Variants in TP63 observed in about 807,000 individuals in gnomAD.
TP63 encodes tumor protein 63.
In TP63, 17 loss-of-function variants were observed where a neutral mutation model predicts 82.8. The observed-to-expected ratio is 0.21, with a 90% confidence interval of 0.14 to 0.31. The LOEUF (loss-of-function observed/expected upper bound fraction) is 0.31, where lower values mean the gene tolerates loss of function less well. Ranked by LOEUF, TP63 falls within the 10% of genes least tolerant of loss-of-function variation. The pLI is 1.00. For missense variants in TP63, 648 were observed against 895.3 expected (o/e 0.72, Z 3.52); for synonymous variants, 330 against 321.7 (o/e 1.03, Z -0.28).
At chr3:189,740,243 A>G (rs1720886866) in intron 3 of TP63, among the ~76,000 whole-genome samples, 1 of 152,214 alleles carries the variant, frequency 6.6e-6, no homozygotes, top group South Asian at 2.1e-4. Flanking sequence ...GGACTATATC[A>G]TAATTCAACA....
intron 3 of TP63, among the ~76,000 whole-genome samples, chr3:189,775,020 A>T (rs1344210642): frequency 1.3e-5 from 2 of 152,104 alleles, no homozygotes; most frequent in East Asian, 1.9e-4. Flanking sequence ...GTTTGAGACC[A>T]GCAGCCTGGC....
chr3:189,713,520 G>C (rs959329358), intron 1 of TP63, among the ~76,000 whole-genome samples: 9 of 152,132 alleles, frequency 5.9e-5, no homozygotes, highest in Non-Finnish European at 1.0e-4. Context: ...CCAATGAACT[G>C]ATCCAGTTTT....
intron 1 of TP63, among the ~76,000 whole-genome samples, chr3:189,729,179 G>A (rs1387819734): frequency 1.3e-5 from 2 of 152,146 alleles, no homozygotes; most frequent in East Asian, 3.9e-4. Context: ...ATTGTATTCA[G>A]AGAAATCATT....
rs749340539 is a variant in TP63 at position 189,808,310 on chromosome 3, C to T, written c.363C>T (p.Asp121=). Residue 121 remains aspartate (D), a synonymous_variant, in exon 4 of 14, where the codon GAC becomes GAT. Transcript: ENST00000264731. ...ACCTGGGGCTCCTGAACAGCATGGA[C>T]CAGCAGATTCAGAACGGCTCCTCGT... The part of the protein sequence containing the change: ...YTNLGLLNSM[D]QQIQNGSSST... 6.2e-7 allele frequency: 1 copy of T among 1,614,070 alleles called. No individual in the cohort carries two copies. Among genetic ancestry groups the T allele is most frequent in the African/African-American group, 1.3e-5 (1 of 74,918 alleles).
In TP63 at chr3:189,896,604, T is replaced by G. The variant is rs1721493270; in HGVS notation, c.*2102T>G. 4.7e-6 allele frequency: 1 copy of G among 210,876 alleles called. No individual in the cohort carries two copies. Among genetic ancestry groups the G allele is most frequent in the African/African-American group, 2.3e-5 (1 of 44,122 alleles). 13.1% of individuals were successfully genotyped at this position (210,876 alleles called of 1,614,324 possible). On this transcript the variant is annotated 3_prime_UTR_variant, in exon 14 of 14. Transcript: ENST00000264731. ...AAGAATGAAAGCTGTTCCTTGGTCC[T>G]AGTAAGAAGACAAACTGCTTCCCTT...
intron 3 of TP63, among the ~76,000 whole-genome samples, chr3:189,802,751 C>T (rs1246485291): frequency 6.6e-6 from 1 of 152,134 alleles, no homozygotes; most frequent in Non-Finnish European, 1.5e-5. Flanking sequence ...TAGCCTCATC[C>T]ACCAGTCACT....
chr3:189,891,213 G>T (rs2108865720), intron 13 of TP63, among the ~76,000 whole-genome samples: 1 of 152,302 alleles, frequency 6.6e-6, no homozygotes, highest in Admixed American at 6.5e-5. Context: ...TTTTGAGTGT[G>T]CTCATTAATC....
intron 4 of TP63, among the ~76,000 whole-genome samples, chr3:189,858,613 A>G (rs1199411307): frequency 1.3e-5 from 2 of 152,068 alleles, no homozygotes; most frequent in African/African-American, 4.8e-5. Context: ...CATCTCTACA[A>G]AAAACATACA....
chr3:189,658,206 A>G (rs1713558520), intron 1 of TP63, among the ~76,000 whole-genome samples: 1 of 152,120 alleles, frequency 6.6e-6, no homozygotes, highest in Non-Finnish European at 1.5e-5. Context: ...AAATTAATAA[A>G]GTAGTATTGG....
chr3:189,690,354 T>C (rs1372446600), intron 1 of TP63, among the ~76,000 whole-genome samples: 1 of 151,932 alleles, frequency 6.6e-6, no homozygotes, highest in African/African-American at 2.4e-5. Context: ...GATAGTAACT[T>C]GGTGTTTGGC....
the TP63 span, among the ~76,000 whole-genome samples, chr3:189,613,073 C>T: frequency 9.2e-5 from 14 of 152,280 alleles, 1 homozygote; most frequent in South Asian, 1.2e-3. Flanking sequence ...AAATTCAAGC[C>T]GGCTGTAGAA....
chr3:189,737,928 CAA>C, intron 2 of TP63, 60 bp downstream of exon 2: 2 of 1,602,676 alleles, frequency 1.2e-6, no homozygotes, highest in Non-Finnish European at 1.7e-6. Context: ...TGTGGGTGGT[CAA>C]AATATTGCTT....
chr3:189,769,228 A>T (rs1376908206), intron 3 of TP63, among the ~76,000 whole-genome samples: 1 of 152,190 alleles, frequency 6.6e-6, no homozygotes, highest in African/African-American at 2.4e-5. Context: ...TTAATACTGC[A>T]TTAAAGGCAC....
chr3:189,622,829 C>CT, the TP63 span, among the ~76,000 whole-genome samples: 8 of 152,100 alleles, frequency 5.3e-5, no homozygotes, highest in Admixed American at 5.2e-4. Flanking sequence ...GTAATGACAC[C>CT]ACTTGTTCTA....
intron 3 of TP63, among the ~76,000 whole-genome samples, chr3:189,784,379 G>A (rs569760521): frequency 6.6e-6 from 1 of 152,182 alleles, no homozygotes; most frequent in South Asian, 2.1e-4. Context: ...ATATTAAGAT[G>A]TAATTAAACA....
At chr3:189,805,216 TCA>T (rs1396107722) in intron 3 of TP63, among the ~76,000 whole-genome samples, 6 of 152,190 alleles carry the variant, frequency 3.9e-5, no homozygotes, top group Non-Finnish European at 1.5e-5. Flanking sequence ...ATCCATAAAA[TCA>T]GTTTACTCAA....
chr3:189,845,122 A>G (rs1265468612), intron 4 of TP63, among the ~76,000 whole-genome samples: 1 of 152,256 alleles, frequency 6.6e-6, no homozygotes, highest in East Asian at 1.9e-4. Flanking sequence ...CAGACTTTGT[A>G]CTTGATTAAC....
intron 1 of TP63, among the ~76,000 whole-genome samples, chr3:189,690,975 G>A (rs957441407): frequency 9.9e-5 from 15 of 152,114 alleles, no homozygotes; most frequent in African/African-American, 2.9e-4. Flanking sequence ...GAACAAGCAC[G>A]ATATAGAGTG....
At chr3:189,618,104 A>T in the TP63 span, among the ~76,000 whole-genome samples, 4 of 152,214 alleles carry the variant, frequency 2.6e-5, no homozygotes, top group African/African-American at 9.6e-5. Flanking sequence ...TCAAGATGGT[A>T]ACAGTAAAAC....
Sources: gnomAD v4.1 joint callset for allele counts (sites outside exome capture counted in the v4.1 genomes callset) on GRCh38, gnomAD v4.1.1 for gene constraint, MANE v1.5 for transcripts, NCBI Gene and HGNC (gene_info 2026-07-23, HGNC 2026-07-21) for gene names.